The following IRAK1BP1 variants were observed in gnomAD, a reference collection of about 807,000 sequenced individuals.
IRAK1BP1 encodes interleukin-1 receptor-associated kinase 1-binding protein 1.
Under a neutral mutation model 28.0 loss-of-function variants are expected in IRAK1BP1, and 24 were observed. The ratio of observed to expected loss-of-function variants is 0.86; its 90% CI spans 0.62 to 1.20. IRAK1BP1 has a LOEUF of 1.20. IRAK1BP1 is among the 50% of genes most tolerant of loss of function. The pLI is 0.00. For missense variants in IRAK1BP1, 336 were observed against 316.7 expected (o/e 1.06, Z -0.46); for synonymous variants, 131 against 116.3 (o/e 1.13, Z -0.81).
intron 1 of IRAK1BP1, among the ~76,000 whole-genome samples, chr6:78,869,863 C>T (rs1219376437): frequency 2.0e-5 from 3 of 151,964 alleles, no homozygotes; most frequent in African/African-American, 7.2e-5. Context: ...AATCCCATCA[C>T]TTTGGGAGGC....
chr6:78,972,738 C>G, the IRAK1BP1 span, among the ~76,000 whole-genome samples: 1 of 152,026 alleles, frequency 6.6e-6, no homozygotes, highest in Non-Finnish European at 1.5e-5. Flanking sequence ...AATGCAGAAG[C>G]CTCAGGAGCC....
At chr6:78,926,652 A>C (rs1269925616) in intron 4 of IRAK1BP1, among the ~76,000 whole-genome samples, 2 of 151,896 alleles carry the variant, frequency 1.3e-5, no homozygotes, top group East Asian at 1.9e-4. Flanking sequence ...TCATTGTTTC[A>C]ATTTTTTTGT....
chr6:78,971,916 G>C, the IRAK1BP1 span, among the ~76,000 whole-genome samples: 4 of 152,192 alleles, frequency 2.6e-5, no homozygotes, highest in African/African-American at 9.6e-5. Context: ...ACAGCAGTCT[G>C]AGGTCAAACT....
At chr6:78,896,839 AT>A (rs1167738568) in intron 2 of IRAK1BP1, among the ~76,000 whole-genome samples, 26 of 147,816 alleles carry the variant, frequency 1.8e-4, no homozygotes, top group Non-Finnish European at 3.3e-4. Flanking sequence ...AAAAAAAAAA[AT>A]TATGATTAAA....
intron 1 of IRAK1BP1, among the ~76,000 whole-genome samples, chr6:78,882,656 A>G (rs939424661): frequency 6.6e-6 from 1 of 152,198 alleles, no homozygotes; most frequent in Non-Finnish European, 1.5e-5. Flanking sequence ...GTCATGAAAA[A>G]CAAAGGAAGA....
At chr6:78,976,004 C>A in the IRAK1BP1 span, among the ~76,000 whole-genome samples, 1 of 151,876 alleles carries the variant, frequency 6.6e-6, no homozygotes, top group Non-Finnish European at 1.5e-5. Flanking sequence ...TGCCTTTCTT[C>A]ACAGAATTGG....
At chr6:78,934,128 G>C (rs1003843105) in intron 4 of IRAK1BP1, among the ~76,000 whole-genome samples, 5 of 152,114 alleles carry the variant, frequency 3.3e-5, no homozygotes, top group South Asian at 2.1e-4. Context: ...AGAGGGAGAG[G>C]GGGGAATGGC....
downstream of IRAK1BP1, among the ~76,000 whole-genome samples, chr6:78,948,507 T>C (rs1773956336): frequency 6.6e-6 from 1 of 152,066 alleles, no homozygotes; most frequent in Non-Finnish European, 1.5e-5. Context: ...GTACCCCCCC[T>C]TTTTGGGAGA....
At chr6:78,870,971 T>C (rs1581986303) in intron 1 of IRAK1BP1, among the ~76,000 whole-genome samples, 2 of 152,144 alleles carry the variant, frequency 1.3e-5, no homozygotes, top group Non-Finnish European at 2.9e-5. Context: ...CCCAAAATGC[T>C]GGGATTACAG....
At chr6:78,919,383 A>G (rs1772657396) in intron 4 of IRAK1BP1, among the ~76,000 whole-genome samples, 1 of 152,192 alleles carries the variant, frequency 6.6e-6, no homozygotes. Flanking sequence ...AAAAATCCAT[A>G]CAGAATCAAT....
At position 78,943,983 on chromosome 6, in the gene IRAK1BP1, CT is replaced by C. The variant is rs201550604; in HGVS notation, c.*68-1418del. Among the ~76,000 whole-genome samples the C allele has an allele frequency of 7.4e-4, 71 of 95,790 alleles. 1 individual carries two copies. The highest frequency in any genetic ancestry group is 1.0e-3 in the African/African-American group (25 of 24,738). The allele number at this position is 95,790 out of a possible 152,430, so 62.8% of individuals were successfully genotyped here. A position where few individuals can be genotyped will look rare whatever the true frequency, so the allele number is the denominator to read the frequency against. On this transcript the variant is annotated intron_variant and NMD_transcript_variant, in intron 4 of 4. Coordinates refer to the IRAK1BP1 transcript ENST00000606868. ...CCTCGGTGACAGAGCAAGATCCTGT[CT>C]TTTTTTAAAAAAAAAAAAAAAAAAA...
chr6:78,895,329 A>G (rs1256264368), intron 2 of IRAK1BP1, among the ~76,000 whole-genome samples: 2 of 152,196 alleles, frequency 1.3e-5, no homozygotes, highest in African/African-American at 4.8e-5. Flanking sequence ...ATTTTTCCAG[A>G]AAACTGAAAA....
At chr6:78,942,597 A>T (rs1425592809) in intron 4 of IRAK1BP1, among the ~76,000 whole-genome samples, 1 of 152,014 alleles carries the variant, frequency 6.6e-6, no homozygotes. Flanking sequence ...TAGTGAAATG[A>T]CTCTCTTTAG....
chr6:78,943,989 T>TA (rs1424311614), intron 4 of IRAK1BP1, among the ~76,000 whole-genome samples: 16,858 of 46,954 alleles, frequency 0.36, 1,703 homozygotes, highest in Non-Finnish European at 0.38. Context: ...CTGTCTTTTT[T>TA]TAAAAAAAAA....
chr6:78,966,617 TTTAAAACAGAGGACAC>T, the IRAK1BP1 span, among the ~76,000 whole-genome samples: 5 of 152,206 alleles, frequency 3.3e-5, no homozygotes, highest in Non-Finnish European at 4.4e-5. Flanking sequence ...AACTATTCTT[TTTAAAACAGAGGACAC>T]TCCTTGTGTC....
the IRAK1BP1 span, among the ~76,000 whole-genome samples, chr6:78,974,200 C>G: frequency 6.6e-6 from 1 of 152,154 alleles, no homozygotes; most frequent in African/African-American, 2.4e-5. Context: ...AGCAATCAAA[C>G]TAGAATTCAG....
intron 1 of IRAK1BP1, among the ~76,000 whole-genome samples, chr6:78,881,703 T>C (rs1284145792): frequency 2.0e-5 from 3 of 152,112 alleles, no homozygotes; most frequent in Admixed American, 1.3e-4. Flanking sequence ...GGATGAAGAA[T>C]AAAGATACAA....
chr6:78,882,988 G>A (rs1261300108), intron 1 of IRAK1BP1, among the ~76,000 whole-genome samples: 2 of 152,112 alleles, frequency 1.3e-5, no homozygotes, highest in African/African-American at 4.8e-5. Context: ...CAAGTGTGAT[G>A]TCTCATGCCT....
At chr6:78,876,228 T>C (rs1258766133) in intron 1 of IRAK1BP1, among the ~76,000 whole-genome samples, 2 of 152,184 alleles carry the variant, frequency 1.3e-5, no homozygotes, top group Admixed American at 6.5e-5. Flanking sequence ...TCTCTCTCTC[T>C]CCTGCCAACA....
Sources: gnomAD v4.1 joint callset for allele counts (sites outside exome capture counted in the v4.1 genomes callset) on GRCh38, gnomAD v4.1.1 for gene constraint, MANE v1.5 for transcripts, NCBI Gene and HGNC (gene_info 2026-07-23, HGNC 2026-07-21) for gene names.